Variants in SH3BP4 observed in about 807,000 individuals in gnomAD.
The protein encoded by SH3BP4 is SH3 domain-binding protein 4.
Under a neutral mutation model 65.5 loss-of-function variants are expected in SH3BP4, and 33 were observed. The ratio of observed to expected loss-of-function variants is 0.50; its 90% CI spans 0.38 to 0.67. The LOEUF (loss-of-function observed/expected upper bound fraction) is 0.67. Ranked by LOEUF, SH3BP4 falls within the 30% of genes least tolerant of loss-of-function variation. The pLI is 0.00. For synonymous variants in SH3BP4, 552 were observed against 545.5 expected (o/e 1.01, Z -0.17); for missense variants, 1,134 against 1,261.4 (o/e 0.90, Z 1.53).
At chr2:235,032,784 G>A (rs1430702014) in intron 2 of SH3BP4, among the ~76,000 whole-genome samples, 2 of 151,998 alleles carry the variant, frequency 1.3e-5, no homozygotes, top group Non-Finnish European at 2.9e-5. Flanking sequence ...GTGGAAGGAG[G>A]CCTCCTCCTG....
At chr2:235,001,654 C>T (rs755369496) in intron 2 of SH3BP4, among the ~76,000 whole-genome samples, 3 of 152,104 alleles carry the variant, frequency 2.0e-5, no homozygotes, top group Admixed American at 6.5e-5. Flanking sequence ...AATGCCTGAA[C>T]GTCGAAGGTG....
intron 1 of SH3BP4, among the ~76,000 whole-genome samples, chr2:234,972,495 C>T (rs1256255291): frequency 6.6e-6 from 1 of 151,838 alleles, no homozygotes; most frequent in Non-Finnish European, 1.5e-5. Flanking sequence ...GAAGCTGAGG[C>T]AGGAGGATCG....
At chr2:234,970,152 C>T (rs1692955893) in intron 1 of SH3BP4, among the ~76,000 whole-genome samples, 1 of 152,196 alleles carries the variant, frequency 6.6e-6, no homozygotes, top group Non-Finnish European at 1.5e-5. Flanking sequence ...CACACTCACT[C>T]ACACTCCCCC....
chr2:235,032,120 G>T (rs1285803109), intron 2 of SH3BP4, among the ~76,000 whole-genome samples: 1 of 152,240 alleles, frequency 6.6e-6, no homozygotes, highest in Non-Finnish European at 1.5e-5. Context: ...GTGATTAACA[G>T]GAGTCTTCGT....
chr2:235,052,100 C>T lies in SH3BP4; in HGVS notation c.2479-462C>T, dbSNP rs1574854228. Among the ~76,000 whole-genome samples, 1 of 152,190 alleles carries T rather than the reference C, an allele frequency of 6.6e-6. No homozygotes were observed. On this transcript the variant is annotated intron_variant, in intron 4 of 5. Transcript: ENST00000392011. The surrounding 1 kb of genome is among the most constrained non-coding windows in gnomAD (Gnocchi z 5.0). Reference sequence around the variant, plus strand: ...GAGAAGGGGTTGCAGGCCTGCCTCTCCTAAGCCCCACTGGCTCAACCCTCC... The same window carrying T: ...GAGAAGGGGTTGCAGGCCTGCCTCTTCTAAGCCCCACTGGCTCAACCCTCC...
At chr2:235,028,489 C>T (rs936998377) in intron 2 of SH3BP4, among the ~76,000 whole-genome samples, 1 of 152,240 alleles carries the variant, frequency 6.6e-6, no homozygotes, top group Non-Finnish European at 1.5e-5. Context: ...AGCCATTTGG[C>T]TCCCTTAAAG....
chr2:235,046,433 G>A lies in SH3BP4; in HGVS notation c.2478+3186G>A, dbSNP rs1695862019. On this transcript the variant is annotated intron_variant, in intron 4 of 5. Coordinates refer to ENST00000392011, the MANE Select transcript of SH3BP4 (RefSeq NM_014521.3). This position sits in a 1 kb window ranked among gnomAD's most constrained non-coding sequence, Gnocchi z 4.2. ...TTTTTTTTTTTTAAATCAGCCAGGT[G>A]TGTTGGTGTGCACCTGTAGTCCCAG... is the stretch of plus-strand genomic sequence containing the variant. Among the ~76,000 whole-genome samples, 2 of 151,832 alleles carry A rather than the reference G, an allele frequency of 1.3e-5. No homozygotes were observed. Among genetic ancestry groups the A allele is most frequent in the Non-Finnish European group, 1.5e-5 (1 of 67,992 alleles).
At chr2:234,996,651 G>A (rs1693927302) in intron 2 of SH3BP4, among the ~76,000 whole-genome samples, 1 of 152,226 alleles carries the variant, frequency 6.6e-6, no homozygotes, top group South Asian at 2.1e-4. Flanking sequence ...CTCCTGAAAG[G>A]CATCCACATT....
At position 234,997,443 on chromosome 2, in the gene SH3BP4, AG is replaced by A. The variant is rs1433933187; in HGVS notation, c.-133+2069del. On this transcript the variant is annotated intron_variant, in intron 2 of 5. Coordinates refer to ENST00000392011, the MANE Select transcript of SH3BP4 (RefSeq NM_014521.3). The surrounding 1 kb of genome is among the most constrained non-coding windows in gnomAD (Gnocchi z 4.2). ...CTGCTCCCACTGTCATCACCATCAG[AG>A]GTAGTTTATCCTGGTGCCTGGTGTC... is the stretch of plus-strand genomic sequence containing the variant. 6.6e-6 allele frequency among the ~76,000 whole-genome samples: 1 copy of A among 152,100 alleles called. No homozygotes were observed. The highest frequency in any genetic ancestry group is 1.5e-5 in the Non-Finnish European group (1 of 68,022).
chr2:235,046,739 AATGAATGAATG>A lies in SH3BP4; in HGVS notation c.2478+3505_2478+3515del, dbSNP rs1408717065. On this transcript the variant is annotated intron_variant, in intron 4 of 5. Transcript: ENST00000392011. The surrounding 1 kb of genome is among the most constrained non-coding windows in gnomAD (Gnocchi z 4.2). Reference sequence around the variant, plus strand: ...TGATTGAATGAATGAATGATGGATGAATGAATGAATGATGAATGAATGAATGAATGAATGCA... The same window carrying A: ...TGATTGAATGAATGAATGATGGATGAATGAATGAATGAATGAATGAATGCA... Among the ~76,000 whole-genome samples, 25 of 148,840 alleles carry A rather than the reference AATGAATGAATG, an allele frequency of 1.7e-4. No individual in the cohort carries two copies. The highest frequency in any genetic ancestry group is 5.9e-4 in the African/African-American group (23 of 39,266).
At chr2:235,038,365 T>A (rs9679644) in intron 3 of SH3BP4, among the ~76,000 whole-genome samples, 1 of 36,144 alleles carries the variant, frequency 2.8e-5, no homozygotes, top group Non-Finnish European at 4.2e-5. Flanking sequence ...TATATATATA[T>A]AATATATATA....
intron 2 of SH3BP4, chr2:234,996,026 A>G (rs1170049047): frequency 2.0e-5 from 3 of 152,212 alleles, no homozygotes; most frequent in Admixed American, 2.0e-4. Flanking sequence ...CTTGGCTTTT[A>G]TACTCCTGGT....
At chr2:234,969,554 C>T (rs1692925899) in intron 1 of SH3BP4, among the ~76,000 whole-genome samples, 1 of 152,076 alleles carries the variant, frequency 6.6e-6, no homozygotes, top group Non-Finnish European at 1.5e-5. Context: ...ATTCCAAGGA[C>T]TGAAAACACA....
At chr2:234,986,562 T>C (rs887154951) in intron 1 of SH3BP4, among the ~76,000 whole-genome samples, 3 of 152,140 alleles carry the variant, frequency 2.0e-5, no homozygotes, top group Non-Finnish European at 4.4e-5. Context: ...TGTGTGGTCT[T>C]GGGATTGTTC....
intron 1 of SH3BP4, among the ~76,000 whole-genome samples, chr2:234,964,473 C>T (rs964435778): frequency 1.3e-5 from 2 of 152,294 alleles, no homozygotes; most frequent in East Asian, 3.9e-4. Context: ...GTTCACTGCC[C>T]AGCAGGGGAG....
chr2:235,036,007 A>G (rs1184454851), intron 3 of SH3BP4, among the ~76,000 whole-genome samples: 1 of 152,206 alleles, frequency 6.6e-6, no homozygotes, highest in African/African-American at 2.4e-5. Flanking sequence ...GACCATTTGT[A>G]TCCTCGGCCC....
intron 3 of SH3BP4, among the ~76,000 whole-genome samples, chr2:235,037,285 C>T (rs566144270): frequency 6.3e-4 from 96 of 152,216 alleles, no homozygotes; most frequent in Non-Finnish European, 7.4e-4. Context: ...CCAGTGTCCC[C>T]AGCTGCTTGG....
chr2:234,982,072 C>T (rs1421475905), intron 1 of SH3BP4, among the ~76,000 whole-genome samples: 1 of 152,114 alleles, frequency 6.6e-6, no homozygotes, highest in Non-Finnish European at 1.5e-5. Flanking sequence ...TACCCGGGTC[C>T]ATTTGAATAT....
intron 2 of SH3BP4, among the ~76,000 whole-genome samples, chr2:235,023,526 GAC>G (rs2106312290): frequency 6.6e-6 from 1 of 152,250 alleles, no homozygotes; most frequent in South Asian, 2.1e-4. Context: ...CAGCCTGGGT[GAC>G]ACAGTGAGAC....
Sources: gnomAD v4.1 joint callset for allele counts (sites outside exome capture counted in the v4.1 genomes callset) on GRCh38, gnomAD v4.1.1 for gene constraint, Gnocchi (gnomAD v3.1) non-coding constraint, MANE v1.5 for transcripts, NCBI Gene and HGNC (gene_info 2026-07-23, HGNC 2026-07-21) for gene names.